Variants in NLGN2 observed in about 807,000 individuals in gnomAD.
NLGN2 encodes neuroligin-2.
A neutral mutation model predicts 48.6 loss-of-function variants in NLGN2; 11 were observed. That is an observed-to-expected ratio of 0.23 (90% CI 0.14 to 0.37). NLGN2 has a LOEUF of 0.37. NLGN2 is among the 10% of genes least tolerant of loss of function. The pLI, the probability that NLGN2 is intolerant of heterozygous loss-of-function variation, is 1.00. For missense variants in NLGN2, 801 were observed against 1,225.2 expected, an observed-to-expected ratio of 0.65 and a Z score of 5.17; for synonymous variants, 548 against 550.0, an observed-to-expected ratio of 1.00 and a Z score of 0.05.
Position 7,417,493 on chromosome 17 carries a change from T to A in NLGN2, c.2202T>A (p.Arg734=), listed in dbSNP as rs750828648. 3.3e-6 allele frequency: 5 copies of A among 1,526,314 alleles called. No individual in the cohort carries two copies. Among genetic ancestry groups the A allele is most frequent in the Non-Finnish European group, 4.4e-6 (5 of 1,139,960 alleles). 94.5% of individuals were successfully genotyped at this position (1,526,314 alleles called of 1,614,324 possible). A position where few individuals can be genotyped will look rare whatever the true frequency, so the allele number is the denominator to read the frequency against. ...GGGPLLPAAG[R]ELPPEEELVS... is the part of the protein sequence containing the mutation. ...GCCCCCTGCTCCCCGCCGCGGGCCGTGAGCTGCCACCAGAGGAGGAGCTGG... is the reference window on the plus strand; with the variant it reads ...GCCCCCTGCTCCCCGCCGCGGGCCGAGAGCTGCCACCAGAGGAGGAGCTGG... The change falls in exon 7 of 7, where the codon CGT becomes CGA. Residue 734 remains arginine (R), a synonymous_variant. Coordinates refer to ENST00000302926, the MANE Select transcript of NLGN2 (RefSeq NM_020795.4).
In NLGN2 at chr17:7,419,144, C is replaced by G. The variant is rs949177580; in HGVS notation, c.*1345C>G. ...CAGCTGACCACCCTCCTCTGACCCACGCCCCCTCCTTGTCTGAAAGAAAGG... is the reference window on the plus strand; with the variant it reads ...CAGCTGACCACCCTCCTCTGACCCAGGCCCCCTCCTTGTCTGAAAGAAAGG... On this transcript the variant is annotated 3_prime_UTR_variant, in exon 7 of 7. Coordinates refer to ENST00000302926, the MANE Select transcript of NLGN2 (RefSeq NM_020795.4). The G allele has an allele frequency of 6.6e-6, 1 of 152,384 alleles. No homozygotes were observed. The highest frequency in any genetic ancestry group is 1.5e-5 in the Non-Finnish European group (1 of 68,106). 9.4% of individuals were successfully genotyped at this position (152,384 alleles called of 1,614,324 possible). A position where few individuals can be genotyped will look rare whatever the true frequency, so the allele number is the denominator to read the frequency against.
chr17:7,415,419 G>A (rs368469729), intron 5 of NLGN2, 92 bp from the exon 6 acceptor site: 15 of 1,190,976 alleles, frequency 1.3e-5, no homozygotes, highest in African/African-American at 1.2e-4. Context: ...GGTCTTGCAG[G>A]TAGAGGGAAG....
In NLGN2 at chr17:7,408,895, C is replaced by G. The variant is rs1026090144; in HGVS notation, c.457+183C>G. Among the ~76,000 whole-genome samples the G allele has an allele frequency of 6.6e-6, 1 of 152,158 alleles. No homozygotes were observed. Among genetic ancestry groups the G allele is most frequent in the Non-Finnish European group, 1.5e-5 (1 of 68,008 alleles). On this transcript the variant is annotated intron_variant, in intron 1 of 6. Transcript: ENST00000302926. The surrounding 1 kb of genome is among the most constrained non-coding windows in gnomAD (Gnocchi z 7.5). ...GATTGTAAGGGTGCCTCCAGGCAGT[C>G]CCAGGCACACACTCTGCAGACAGCC...
At position 7,415,886 on chromosome 17, in the gene NLGN2, C is replaced by T. The variant is rs752412026; in HGVS notation, c.1413C>T (p.His471=). 1.4e-4 allele frequency: 232 copies of T among 1,610,232 alleles called. No individual in the cohort carries two copies. Among genetic ancestry groups the T allele is most frequent in the Non-Finnish European group, 1.8e-4 (217 of 1,177,228 alleles). ...VAPAVATAKL[H]ADYQSPVYFY... ...CAGCTGTGGCCACTGCCAAGCTGCACGCCGACTACCAGTCTCCCGTCTACT... is the reference window on the plus strand; with the variant it reads ...CAGCTGTGGCCACTGCCAAGCTGCATGCCGACTACCAGTCTCCCGTCTACT... The change falls in exon 6 of 7, where the codon CAC becomes CAT. Residue 471 remains histidine (H), a synonymous_variant. Transcript: ENST00000302926.
At chr17:7,406,454 C>T (rs1389053660), upstream of NLGN2, among the ~76,000 whole-genome samples, 5 of 152,130 alleles carry the variant, frequency 3.3e-5, no homozygotes, top group East Asian at 3.9e-4. Context: ...GAATCAGCCC[C>T]GAGCCACCTC....
chr17:7,409,389 A>C (rs1906787152), intron 1 of NLGN2, among the ~76,000 whole-genome samples: 1 of 151,410 alleles, frequency 6.6e-6, no homozygotes, highest in East Asian at 1.9e-4. Context: ...TTCTTAATGA[A>C]CTCTTGTTCA....
In NLGN2 at chr17:7,415,841, T is replaced by C; in HGVS notation, c.1368T>C (p.Thr456=). 1 of 1,613,072 alleles carries C rather than the reference T, an allele frequency of 6.2e-7. No homozygotes were observed. Among genetic ancestry groups the C allele is most frequent in the South Asian group, 1.1e-5 (1 of 91,084 alleles). Residue 456 remains threonine, a synonymous_variant, in exon 6 of 7, where the codon ACT becomes ACC. Transcript: ENST00000302926. ...MRRKTLLALF[T]DHQWVAPAVA... is the part of the protein sequence containing the mutation. ...GCAAAACCCTGCTGGCGCTCTTTAC[T>C]GACCACCAATGGGTGGCACCAGCTG...
rs146489616 is a variant in NLGN2, at chr17:7,418,723, G to C, written c.*924G>C. ...GAGCTGAGGAGGGTGAACAAACCCC[G>C]AGGGAGGCCCGGCCCTTGCTCCCGA... On this transcript the variant is annotated 3_prime_UTR_variant, in exon 7 of 7. Transcript: ENST00000302926. The C allele has an allele frequency of 6.6e-6, 1 of 152,492 alleles. No individual in the cohort carries two copies. The highest frequency in any genetic ancestry group is 1.9e-4 in the East Asian group (1 of 5,164). The allele number at this position is 152,492 out of a possible 1,614,324, so 9.4% of individuals were successfully genotyped here.
Position 7,415,141 on chromosome 17 carries a change from C to A in NLGN2, c.1030C>A (p.Pro344Thr). 1 of 1,596,682 alleles carries A rather than the reference C, an allele frequency of 6.3e-7. No individual in the cohort carries two copies. Among genetic ancestry groups the A allele is most frequent in the Non-Finnish European group, 8.5e-7 (1 of 1,171,278 alleles). Residue 344 changes from proline (P) to threonine (T), a missense_variant, in exon 5 of 7, where the codon CCT becomes ACT. Around this residue, in one of 5 missense-constraint regions of NLGN2, gnomAD observed 303 missense variants for 600.1 expected, o/e 0.50. Coordinates refer to ENST00000302926, the MANE Select transcript of NLGN2 (RefSeq NM_020795.4). ...GGAGCTGGTGGACCAGGACGTGCAG[C>A]CTGCCCGGTATGGGGTGGGAGAGGG... ...SRELVDQDVQ[P>T]ARYHIAFGPV... is the part of the protein sequence containing the mutation.
In NLGN2 at chr17:7,413,291, C is replaced by A. The variant is rs1906973759; in HGVS notation, c.509-1053C>A. Among the ~76,000 whole-genome samples the A allele has an allele frequency of 1.3e-5, 2 of 152,184 alleles. No individual in the cohort carries two copies. The highest frequency in any genetic ancestry group is 4.8e-5 in the African/African-American group (2 of 41,444). On this transcript the variant is annotated intron_variant, in intron 2 of 6. Transcript: ENST00000302926. The surrounding 1 kb of genome is among the most constrained non-coding windows in gnomAD (Gnocchi z 4.9). Reference sequence around the variant, plus strand: ...TCTTAGTGACCTGCAGGTTGACCTTCTGGCAGGAGGGATGTTTCTACCAGG... The same window carrying A: ...TCTTAGTGACCTGCAGGTTGACCTTATGGCAGGAGGGATGTTTCTACCAGG...
In NLGN2 at chr17:7,415,745, G is replaced by A; in HGVS notation, c.1272G>A (p.Lys424=). ...ACCTGTATGGCTACCCGGAAGGCAA[G>A]GATGTGCTTCGGGAGACCATCAAGT... The part of the protein sequence containing the change: ...VDNLYGYPEG[K]DVLRETIKFM... The change falls in exon 6 of 7, where the codon AAG becomes AAA. Residue 424 remains lysine (K), a synonymous_variant. Transcript: ENST00000302926. 6.2e-7 allele frequency: 1 copy of A among 1,614,274 alleles called. No homozygotes were observed. The highest frequency in any genetic ancestry group is 8.5e-7 in the Non-Finnish European group (1 of 1,180,048).
chr17:7,405,438 G>GC (rs1906593747), upstream of NLGN2: 1 of 152,042 alleles, frequency 6.6e-6, no homozygotes, highest in South Asian at 2.1e-4. The surrounding 1 kb of genome is among the most constrained non-coding windows in gnomAD (Gnocchi z 6.8). Context: ...CTGGATCCCG[G>GC]CCCCGCCCCC....
chr17:7,417,104 G>A lies in NLGN2; in HGVS notation c.1813G>A (p.Val605Met), dbSNP rs762328249. 5.0e-6 allele frequency: 8 copies of A among 1,612,892 alleles called. No individual in the cohort carries two copies. The highest frequency in any genetic ancestry group is 5.1e-6 in the Non-Finnish European group (6 of 1,179,976). ...CAAGGTGGCCTTCTGGCTGGAGCTC[G>A]TGCCCCACCTGCACAACCTGCACAC... ...ANKVAFWLEL[V>M]PHLHNLHTEL... The change falls in exon 7 of 7, where the codon GTG becomes ATG. Residue 605 changes from valine to methionine, a missense_variant. Around this residue, in one of 5 missense-constraint regions of NLGN2, gnomAD observed 303 missense variants for 600.1 expected, o/e 0.50. Transcript: ENST00000302926.
Position 7,411,581 on chromosome 17 carries a change from C to T in NLGN2, c.458-576C>T, listed in dbSNP as rs1386527945. Among the ~76,000 whole-genome samples, 4 of 152,202 alleles carry T rather than the reference C, an allele frequency of 2.6e-5. No individual in the cohort carries two copies. The highest frequency in any genetic ancestry group is 5.9e-5 in the Non-Finnish European group (4 of 68,038). The stretch of plus-strand genomic sequence containing the variant: ...CTGTGGGGCAGGCTGCCCCCCAACC[C>T]TGTCCTGCTCGCTGCCCTGCAGAGT... On this transcript the variant is annotated intron_variant, in intron 1 of 6. Transcript: ENST00000302926. The surrounding 1 kb of genome is among the most constrained non-coding windows in gnomAD (Gnocchi z 4.5).
chr17:7,407,898 T>G lies in NLGN2; in HGVS notation c.-358T>G. On this transcript the variant is annotated 5_prime_UTR_variant, in exon 1 of 7. Transcript: ENST00000302926. ...ACCACTTGTCTCTTCTGTTTCCCCA[T>G]TCCTTTCTGTCTGCCCCATCCAATT... 1.8e-5 allele frequency: 3 copies of G among 169,386 alleles called. No homozygotes were observed. Among genetic ancestry groups the G allele is most frequent in the East Asian group, 1.6e-4 (1 of 6,400 alleles). The allele number at this position is 169,386 out of a possible 1,614,324, so 10.5% of individuals were successfully genotyped here.
chr17:7,414,168 G>T (rs1379257368), intron 2 of NLGN2, among the ~76,000 whole-genome samples, 176 bp from the exon 3 acceptor site: 1 of 152,098 alleles, frequency 6.6e-6, no homozygotes, highest in African/African-American at 2.4e-5. Context: ...GTCTGCCAGG[G>T]CTAGCTGGGG....
chr17:7,408,538 G>A lies in NLGN2; in HGVS notation c.283G>A (p.Gly95Ser), dbSNP rs1325932857. The change falls in exon 1 of 7, where the codon GGC becomes AGC. Residue 95 changes from glycine to serine, a missense_variant. Gly to Ser is a moderately conservative substitution (Grantham distance 56). Coordinates refer to ENST00000302926, the MANE Select transcript of NLGN2 (RefSeq NM_020795.4). The surrounding 1 kb of genome is among the most constrained non-coding windows in gnomAD (Gnocchi z 7.5). ...QPPEAPASWP[G>S]VRNATTLPPA... ...GCCTGAGGCGCCCGCCTCGTGGCCC[G>A]GCGTGCGCAACGCCACCACCCTGCC... 1.3e-6 allele frequency: 2 copies of A among 1,545,638 alleles called. No individual in the cohort carries two copies. The highest frequency in any genetic ancestry group is 1.7e-6 in the Non-Finnish European group (2 of 1,148,126).
chr17:7,415,259 A>G (rs962480138), intron 5 of NLGN2, 111 bp downstream of exon 5: 6 of 1,043,606 alleles, frequency 5.7e-6, no homozygotes, highest in Non-Finnish European at 8.2e-6. Flanking sequence ...TCTGGCCCCC[A>G]GTAAGTGGCC....
In NLGN2 at chr17:7,415,574, C is replaced by T; in HGVS notation, c.1101C>T (p.Leu367=). ...GDVVPDDPEI[L]MQQGEFLNYD... ...TGGTCCCCGATGACCCTGAGATCCTCATGCAGCAGGGAGAATTCCTCAACT... is the reference window on the plus strand; with the variant it reads ...TGGTCCCCGATGACCCTGAGATCCTTATGCAGCAGGGAGAATTCCTCAACT... The change falls in exon 6 of 7, where the codon CTC becomes CTT. Residue 367 remains leucine, a synonymous_variant. Transcript: ENST00000302926. The T allele has an allele frequency of 1.2e-6, 2 of 1,614,204 alleles. No homozygotes were observed. Among genetic ancestry groups the T allele is most frequent in the Non-Finnish European group, 1.7e-6 (2 of 1,179,988 alleles).
Sources: allele counts gnomAD v4.1 joint callset (sites outside exome capture counted in the v4.1 genomes callset), GRCh38; gene constraint gnomAD v4.1.1; regional missense constraint gnomAD v4.1.1; non-coding constraint Gnocchi (gnomAD v3.1); transcripts MANE v1.5; gene names NCBI Gene and HGNC (gene_info 2026-07-23, HGNC 2026-07-21).